MACROD2: variants seen among roughly 807,000 people sequenced by gnomAD.
MACROD2 encodes mono-ADP ribosylhydrolase 2, also known as ADP-ribose glycohydrolase MACROD2.
MACROD2 carries 36 observed loss-of-function variants against 70.4 expected under a neutral mutation model. The ratio of observed to expected loss-of-function variants is 0.51; its 90% CI spans 0.39 to 0.68. MACROD2 has a LOEUF of 0.68. Ranked by LOEUF, MACROD2 falls within the 30% of genes least tolerant of loss-of-function variation. The pLI is 0.00. For missense variants in MACROD2, 496 were observed against 538.4 expected, an observed-to-expected ratio of 0.92 and a Z score of 0.78; for synonymous variants, 172 against 178.8, an observed-to-expected ratio of 0.96 and a Z score of 0.30.
At chr20:14,718,417 G>A (rs1479532745) in intron 5 of MACROD2, among the ~76,000 whole-genome samples, 1 of 151,388 alleles carries the variant, frequency 6.6e-6, no homozygotes, top group African/African-American at 2.4e-5. Context: ...CATCAGTTGT[G>A]AGGCCGAAAG....
At chr20:14,325,818 A>G (rs1187721904) in intron 3 of MACROD2, 5 of 1,613,886 alleles carry the variant, frequency 3.1e-6, no homozygotes, top group Non-Finnish European at 4.2e-6. Context: ...TGCTATATGC[A>G]CAGTTCCTTG....
intron 6 of MACROD2, among the ~76,000 whole-genome samples, chr20:15,299,359 C>A (rs2077620823): frequency 6.6e-6 from 1 of 152,292 alleles, no homozygotes; most frequent in Non-Finnish European, 1.5e-5. Flanking sequence ...TTGTTTCTGG[C>A]TACTGGTAAC....
chr20:15,851,546 A>G (rs1434829365), intron 8 of MACROD2, among the ~76,000 whole-genome samples: 1 of 152,084 alleles, frequency 6.6e-6, no homozygotes, highest in Non-Finnish European at 1.5e-5. Context: ...ATATGGGATT[A>G]GGGCCTATCC....
At chr20:15,742,100 A>G (rs145132684) in intron 8 of MACROD2, among the ~76,000 whole-genome samples, 1 of 152,330 alleles carries the variant, frequency 6.6e-6, no homozygotes, top group African/African-American at 2.4e-5. Context: ...TTCTCCTTTC[A>G]TTAATGACTG....
chr20:15,447,097 G>A (rs1000837122), intron 7 of MACROD2, among the ~76,000 whole-genome samples: 1 of 144,228 alleles, frequency 6.9e-6, no homozygotes, highest in African/African-American at 2.6e-5. Context: ...TCTGTGTGTT[G>A]TATAGGAAGT....
chr20:15,993,819 C>T (rs2066591833), intron 15 of MACROD2, among the ~76,000 whole-genome samples: 1 of 152,132 alleles, frequency 6.6e-6, no homozygotes, highest in African/African-American at 2.4e-5. Context: ...CTGATATGAA[C>T]AAATCTCATT....
intron 6 of MACROD2, among the ~76,000 whole-genome samples, chr20:15,361,929 C>T (rs769253399): frequency 1.6e-4 from 24 of 151,752 alleles, no homozygotes; most frequent in South Asian, 4.2e-4. Flanking sequence ...ACTCACTCAT[C>T]CTAGGAAAAT....
intron 8 of MACROD2, among the ~76,000 whole-genome samples, chr20:15,586,855 T>C (rs1023699260): frequency 3.0e-4 from 46 of 152,054 alleles, no homozygotes; most frequent in Admixed American, 6.6e-5. Context: ...ATATATAATA[T>C]ACCAAAGAAT....
At chr20:14,799,551 A>T (rs1304331569) in intron 5 of MACROD2, among the ~76,000 whole-genome samples, 1 of 152,114 alleles carries the variant, frequency 6.6e-6, no homozygotes, top group Non-Finnish European at 1.5e-5. Context: ...ACATAACATC[A>T]TTAGATAAAG....
At position 15,710,911 on chromosome 20, in the gene MACROD2, A is replaced by G. The variant is rs565588900; in HGVS notation, c.646-151834A>G. 6.6e-5 allele frequency among the ~76,000 whole-genome samples: 10 copies of G among 152,288 alleles called. No homozygotes were observed. In the South Asian group the frequency reaches 1.0e-3, roughly 16 times the overall value. On this transcript the variant is annotated intron_variant, in intron 8 of 17. Coordinates refer to ENST00000684519, the MANE Select transcript of MACROD2 (RefSeq NM_001351661.2). ...TGGGGCTCCAGCATTTTGCAAACAC[A>G]TGAGCAAAGTTTTCTTTTCCTGAAG...
At chr20:14,865,249 C>T (rs2073415802) in intron 5 of MACROD2, among the ~76,000 whole-genome samples, 1 of 152,098 alleles carries the variant, frequency 6.6e-6, no homozygotes, top group South Asian at 2.1e-4. Flanking sequence ...ATGATGCTAT[C>T]TCCTGCCAGA....
At chr20:15,739,581 T>G (rs774861100) in intron 8 of MACROD2, among the ~76,000 whole-genome samples, 5 of 152,180 alleles carry the variant, frequency 3.3e-5, no homozygotes, top group Non-Finnish European at 4.4e-5. Flanking sequence ...ACATTACCCT[T>G]GAAGTTAATC....
intron 3 of MACROD2, among the ~76,000 whole-genome samples, chr20:14,421,543 G>T (rs1175191631): frequency 6.6e-6 from 1 of 151,914 alleles, no homozygotes; most frequent in African/African-American, 2.4e-5. Context: ...TTTTTCTTTT[G>T]TTTTGTAAAA....
intron 3 of MACROD2, among the ~76,000 whole-genome samples, chr20:14,143,225 C>G (rs899860555): frequency 6.6e-6 from 1 of 152,140 alleles, no homozygotes; most frequent in Non-Finnish European, 1.5e-5. Flanking sequence ...TGAAAGGGTA[C>G]TTGTTTCTAC....
chr20:15,075,438 A>G (rs1324288421), intron 5 of MACROD2, among the ~76,000 whole-genome samples: 2 of 152,180 alleles, frequency 1.3e-5, no homozygotes, highest in Admixed American at 6.5e-5. Flanking sequence ...AAATTGGCTT[A>G]TGTATAAGGA....
At chr20:15,535,972 T>C (rs1289900255) in intron 8 of MACROD2, among the ~76,000 whole-genome samples, 1 of 152,124 alleles carries the variant, frequency 6.6e-6, no homozygotes, top group African/African-American at 2.4e-5. Context: ...GGACTGAAAT[T>C]GAAGTAGTAA....
At chr20:14,377,132 G>T (rs2083379393) in intron 3 of MACROD2, among the ~76,000 whole-genome samples, 1 of 152,054 alleles carries the variant, frequency 6.6e-6, no homozygotes, top group South Asian at 2.1e-4. Context: ...TGTAATACTT[G>T]TCAATCTCAG....
intron 8 of MACROD2, among the ~76,000 whole-genome samples, chr20:15,765,934 A>T (rs550373812): frequency 4.6e-4 from 70 of 152,336 alleles, no homozygotes; most frequent in South Asian, 4.1e-4. Flanking sequence ...CCTTTCATGG[A>T]AGCAATAAAA....
chr20:15,512,741 G>T (rs1300066922), intron 8 of MACROD2, among the ~76,000 whole-genome samples: 2 of 152,188 alleles, frequency 1.3e-5, no homozygotes, highest in Admixed American at 6.5e-5. Flanking sequence ...CACCCACGGT[G>T]CTTCTAGGTC....
Sources: gnomAD v4.1 joint callset for allele counts (sites outside exome capture counted in the v4.1 genomes callset) on GRCh38, gnomAD v4.1.1 for gene constraint, MANE v1.5 for transcripts, NCBI Gene and HGNC (gene_info 2026-07-23, HGNC 2026-07-21) for gene names.